ASPRV1: variants seen among roughly 807,000 people sequenced by gnomAD.
ASPRV1 encodes aspartic peptidase retroviral like 1.
A neutral mutation model predicts 11.0 loss-of-function variants in ASPRV1; 7 were observed. That is an observed-to-expected ratio of 0.64 (90% confidence interval 0.36 to 1.20). The LOEUF (loss-of-function observed/expected upper bound fraction) is 1.20. Among genes scored for constraint, ASPRV1 ranks in the 50% most tolerant of loss-of-function variants. The pLI is 0.02. For missense variants in ASPRV1, 299 were observed against 320.0 expected, an observed-to-expected ratio of 0.93 and a Z score of 0.50; for synonymous variants, 136 against 138.4, an observed-to-expected ratio of 0.98 and a Z score of 0.12.
chr2:70,061,825 T>G, the ASPRV1 span, among the ~76,000 whole-genome samples: 1 of 149,922 alleles, frequency 6.7e-6, no homozygotes, highest in Non-Finnish European at 1.5e-5. Context: ...TAGCTGGGTG[T>G]GGTGGTGGAC....
the ASPRV1 span, among the ~76,000 whole-genome samples, chr2:70,038,051 A>G: frequency 1.3e-5 from 2 of 152,224 alleles, no homozygotes; most frequent in Non-Finnish European, 2.9e-5. Flanking sequence ...TTTGTCCACA[A>G]CAGGTTTTGT....
the ASPRV1 span, among the ~76,000 whole-genome samples, chr2:69,935,085 GAAT>G: frequency 6.6e-6 from 1 of 152,154 alleles, no homozygotes; most frequent in Non-Finnish European, 1.5e-5. Context: ...TTACACATGT[GAAT>G]GACTATATAA....
chr2:70,051,627 A>C, the ASPRV1 span, among the ~76,000 whole-genome samples: 1 of 152,240 alleles, frequency 6.6e-6, no homozygotes, highest in South Asian at 2.1e-4. Context: ...ATATTTATTA[A>C]GCATCAGTGA....
chr2:70,085,760 T>A, the ASPRV1 span: 1 of 152,254 alleles, frequency 6.6e-6, no homozygotes, highest in African/African-American at 2.4e-5. Context: ...TAAACGCCTG[T>A]CCCTTCTAGA....
the ASPRV1 span, chr2:69,941,188 A>G: frequency 3.9e-5 from 6 of 152,380 alleles, no homozygotes; most frequent in East Asian, 1.9e-4. Flanking sequence ...TGATACCATC[A>G]TAACGCAAGT....
chr2:70,062,105 T>C, the ASPRV1 span, among the ~76,000 whole-genome samples: 2 of 151,290 alleles, frequency 1.3e-5, no homozygotes, highest in African/African-American at 2.4e-5. Context: ...CTGGCCAACA[T>C]AGTGAAACCC....
chr2:70,045,952 TGTAATGGTGAAGCTCTCCTAAA>T, the ASPRV1 span: 5 of 152,196 alleles, frequency 3.3e-5, no homozygotes, highest in Non-Finnish European at 5.9e-5. Context: ...AGGCAGGACG[TGTAATGGTGAAGCTCTCCTAAA>T]GGACAGGAGA....
upstream of ASPRV1, chr2:69,961,707 C>T: frequency 6.6e-7 from 1 of 1,522,762 alleles, no homozygotes; most frequent in Non-Finnish European, 8.8e-7. Flanking sequence ...GTTCTGGAAG[C>T]TCCGCCCCTC....
At chr2:69,991,623 C>T in the ASPRV1 span, among the ~76,000 whole-genome samples, 2 of 152,188 alleles carry the variant, frequency 1.3e-5, no homozygotes, top group East Asian at 1.9e-4. Context: ...TCTCGGCTCA[C>T]CACAATCTTC....
chr2:69,968,851 G>A, the ASPRV1 span, among the ~76,000 whole-genome samples: 2 of 152,108 alleles, frequency 1.3e-5, no homozygotes, highest in Admixed American at 6.5e-5. Context: ...GCTGCTGAAC[G>A]GACTCTCCCC....
chr2:69,956,520 G>C (rs1305624579), downstream of ASPRV1, among the ~76,000 whole-genome samples: 1 of 148,296 alleles, frequency 6.7e-6, no homozygotes, highest in Non-Finnish European at 1.5e-5. Context: ...AGGGGAGGAG[G>C]AGGAGGAGAA....
chr2:70,025,530 T>C, the ASPRV1 span, among the ~76,000 whole-genome samples: 1 of 152,166 alleles, frequency 6.6e-6, no homozygotes, highest in South Asian at 2.1e-4. Flanking sequence ...GTTCTATCCA[T>C]GGGGTGGGAG....
At chr2:70,064,994 C>G in the ASPRV1 span, among the ~76,000 whole-genome samples, 2 of 152,218 alleles carry the variant, frequency 1.3e-5, no homozygotes, top group South Asian at 4.1e-4. Context: ...ACTGAGGAGG[C>G]TGAGGCACAA....
chr2:70,020,055 C>T, the ASPRV1 span, among the ~76,000 whole-genome samples: 2 of 151,898 alleles, frequency 1.3e-5, no homozygotes, highest in East Asian at 3.9e-4. Flanking sequence ...ACAATTTTTA[C>T]TTGTCAAAAC....
At chr2:70,079,126 T>C in the ASPRV1 span, among the ~76,000 whole-genome samples, 1 of 152,206 alleles carries the variant, frequency 6.6e-6, no homozygotes, top group Admixed American at 6.5e-5. Flanking sequence ...TGAAGTTTTT[T>C]AATAAGTTCA....
chr2:69,991,633 C>T, the ASPRV1 span, among the ~76,000 whole-genome samples: 1 of 152,028 alleles, frequency 6.6e-6, no homozygotes, highest in Admixed American at 6.5e-5. Context: ...CCACAATCTT[C>T]GCCTCCCGGG....
At chr2:69,998,645 C>T in the ASPRV1 span, among the ~76,000 whole-genome samples, 1 of 151,300 alleles carries the variant, frequency 6.6e-6, no homozygotes, top group African/African-American at 2.4e-5. Context: ...AGGAGAATGG[C>T]GTGAACCCGG....
chr2:69,963,188 TTGGGTCAACACCTCTCATCACAGC>T (rs1410789927), upstream of ASPRV1: 2 of 440,160 alleles, frequency 4.5e-6, no homozygotes, highest in Non-Finnish European at 9.2e-6. Context: ...AGAGAGGCAG[TTGGGTCAACACCTCTCATCACAGC>T]TGCCTGGCTA....
chr2:70,034,153 A>AT, the ASPRV1 span, among the ~76,000 whole-genome samples: 6 of 86,992 alleles, frequency 6.9e-5, no homozygotes, highest in Admixed American at 3.3e-4. Flanking sequence ...ACTCCATCTC[A>AT]TAAAAAAAAA....
Sources: gnomAD v4.1 joint callset for allele counts (sites outside exome capture counted in the v4.1 genomes callset) on GRCh38, gnomAD v4.1.1 for gene constraint, MANE v1.5 for transcripts, NCBI Gene and HGNC (gene_info 2026-07-23, HGNC 2026-07-21) for gene names.